The following MFGE8 variants were observed in gnomAD, a reference collection of about 807,000 sequenced individuals.
MFGE8 encodes the protein lactadherin.
A neutral mutation model predicts 42.6 loss-of-function variants in MFGE8; 34 were observed. That is an observed-to-expected ratio of 0.80 (90% CI 0.61 to 1.06). The LOEUF (loss-of-function observed/expected upper bound fraction) is 1.06, where lower values mean the gene tolerates loss of function less well. MFGE8 is among the 50% of genes least tolerant of loss of function. The probability of loss-of-function intolerance (pLI) is 0.00; values close to 1 mark genes in which losing one functional copy is unlikely to be tolerated. For missense variants in MFGE8, 510 were observed against 516.9 expected (o/e 0.99, Z 0.13); for synonymous variants, 230 against 214.8 (o/e 1.07, Z -0.62).
intron 1 of MFGE8, chr15:88,911,057 T>G (rs1898933751): frequency 6.6e-6 from 1 of 152,242 alleles, no homozygotes; most frequent in South Asian, 2.1e-4. Context: ...GAGCATCTGG[T>G]AGCTGCAGAC....
At position 88,906,719 on chromosome 15, in the gene MFGE8, C is replaced by A; in HGVS notation, c.447G>T (p.Leu149Phe). The A allele has an allele frequency of 6.2e-7, 1 of 1,613,828 alleles. No individual in the cohort carries two copies. The highest frequency in any genetic ancestry group is 8.5e-7 in the Non-Finnish European group (1 of 1,179,942). ...AGGCCTTCAGGTACTCATGACTGGC[C>A]AAGCGGCTGGCACCCTGCGTCACCA... is the stretch of plus-strand genomic sequence containing the variant. ...TGVVTQGASR[L>F]ASHEYLKAFK... Residue 149 changes from leucine (L) to phenylalanine (F), a missense_variant, in exon 4 of 8, where the codon TTG becomes TTT. Coordinates refer to ENST00000268150, the MANE Select transcript of MFGE8 (RefSeq NM_005928.4). This position sits in a 1 kb window ranked among gnomAD's most constrained non-coding sequence, Gnocchi z 4.2.
In MFGE8 at chr15:88,899,201, C is replaced by T. The variant is rs2280215; in HGVS notation, c.*194G>A. ...GAGGACTGGGGGTTAGGGGACGGGG[C>T]TTAGGGGCTGGGGCAGGGCCCGTGA... On this transcript the variant is annotated 3_prime_UTR_variant, in exon 8 of 8. Transcript: ENST00000268150. The surrounding 1 kb of genome is among the most constrained non-coding windows in gnomAD (Gnocchi z 6.8). The T allele has an allele frequency of 4.3e-6, 3 of 705,194 alleles. No individual in the cohort carries two copies. In the African/African-American group the frequency reaches 5.6e-5, roughly 13 times the overall value. The allele number at this position is 705,194 out of a possible 1,614,324, so 43.7% of individuals were successfully genotyped here.
chr15:88,900,056 C>A (rs1372366662), intron 6 of MFGE8, among the ~76,000 whole-genome samples: 3 of 152,106 alleles, frequency 2.0e-5, no homozygotes, highest in African/African-American at 7.2e-5. Context: ...GCCTGACCAA[C>A]ATGGTGAAAC....
intron 1 of MFGE8, chr15:88,912,602 G>A: frequency 1.0e-6 from 1 of 985,364 alleles, no homozygotes; most frequent in Non-Finnish European, 1.2e-6. Flanking sequence ...GGAGGACCGG[G>A]GAAGATACAG....
chr15:88,913,001 C>G, intron 1 of MFGE8: 1 of 985,474 alleles, frequency 1.0e-6, no homozygotes, highest in Non-Finnish European at 1.2e-6. Context: ...AGCCGCATCC[C>G]TGGGGGCGGC....
intron 2 of MFGE8, among the ~76,000 whole-genome samples, chr15:88,908,122 G>C (rs1200554251): frequency 3.9e-5 from 6 of 152,108 alleles, no homozygotes; most frequent in Admixed American, 2.6e-4. Context: ...CACTCCAGCA[G>C]TGTGGTCCCA....
At position 88,906,061 on chromosome 15, in the gene MFGE8, C is replaced by T; in HGVS notation, c.541-160G>A. On this transcript the variant is annotated intron_variant, in intron 4 of 7. Transcript: ENST00000268150. The surrounding 1 kb of genome is among the most constrained non-coding windows in gnomAD (Gnocchi z 4.2). ...GCAGAGGCTCACACAGCAGCCTCTC[C>T]TTTGGCCACCCCACGGCCCTCCACA... 1.3e-6 allele frequency: 1 copy of T among 783,916 alleles called. No individual in the cohort carries two copies. The highest frequency in any genetic ancestry group is 2.1e-6 in the Non-Finnish European group (1 of 469,624). 48.6% of individuals were successfully genotyped at this position (783,916 alleles called of 1,614,324 possible). A position where few individuals can be genotyped will look rare whatever the true frequency, so the allele number is the denominator to read the frequency against.
rs914972184 is a variant in MFGE8 at position 88,899,938 on chromosome 15, G to T, written c.871-127C>A. The T allele has an allele frequency of 1.1e-5, 13 of 1,135,300 alleles. No homozygotes were observed. The African/African-American group carries it at 2.0e-4, about 17-fold the overall frequency. 70.3% of individuals were successfully genotyped at this position (1,135,300 alleles called of 1,614,324 possible). On this transcript the variant is annotated intron_variant, in intron 6 of 7. Transcript: ENST00000268150. The surrounding 1 kb of genome is among the most constrained non-coding windows in gnomAD (Gnocchi z 6.8). ...ACTTGGGTGAGCCTCAGTTTCTTTG[G>T]CTATAAAATGGGCATAAGGCCGGAC...
At chr15:88,904,536 T>A (rs1315676148) in intron 5 of MFGE8, 1 of 152,230 alleles carries the variant, frequency 6.6e-6, no homozygotes, top group Non-Finnish European at 1.5e-5. Flanking sequence ...GCAACTTTAA[T>A]GGCCAAAGGC....
intron 1 of MFGE8, 55 bp from the exon 2 acceptor site, chr15:88,909,978 A>C: frequency 6.2e-7 from 1 of 1,609,906 alleles, no homozygotes; most frequent in Non-Finnish European, 8.5e-7. Flanking sequence ...CTGGGGACAC[A>C]GGTGAGAAGT....
Position 88,899,586 on chromosome 15 carries a change from A to G in MFGE8, c.1027-54T>C, listed in dbSNP as rs1898265397. ...CCCGAGCCAGCCCCCCTCCCCTCAGAGCCCCAGGCCAGACTCCCAGGGAAG... is the reference window on the plus strand; with the variant it reads ...CCCGAGCCAGCCCCCCTCCCCTCAGGGCCCCAGGCCAGACTCCCAGGGAAG... On this transcript the variant is annotated intron_variant, in intron 7 of 7. Coordinates refer to ENST00000268150, the MANE Select transcript of MFGE8 (RefSeq NM_005928.4). This position sits in a 1 kb window ranked among gnomAD's most constrained non-coding sequence, Gnocchi z 6.8. 6.2e-7 allele frequency: 1 copy of G among 1,614,098 alleles called. No individual in the cohort carries two copies. Among genetic ancestry groups the G allele is most frequent in the South Asian group, 1.1e-5 (1 of 91,064 alleles).
At chr15:88,904,764 AG>A (rs991534251) in intron 5 of MFGE8, 1 of 152,266 alleles carries the variant, frequency 6.6e-6, no homozygotes, top group African/African-American at 2.4e-5. Flanking sequence ...CTCAGCTCTG[AG>A]GGGTATTTGG....
Position 88,902,116 on chromosome 15 carries a change from C to G in MFGE8, c.686-381G>C. On this transcript the variant is annotated intron_variant, in intron 5 of 7. Coordinates refer to ENST00000268150, the MANE Select transcript of MFGE8 (RefSeq NM_005928.4). The surrounding 1 kb of genome is among the most constrained non-coding windows in gnomAD (Gnocchi z 4.3). ...CACTTGGGCAGGATTTCTTCCTCTT[C>G]TGGACTCACAGCACTGCCCCCATCG... 1 of 324,350 alleles carries G rather than the reference C, an allele frequency of 3.1e-6. No homozygotes were observed. The highest frequency in any genetic ancestry group is 4.1e-5 in the Admixed American group (1 of 24,574). 20.1% of individuals were successfully genotyped at this position (324,350 alleles called of 1,614,324 possible).
rs1350700565 is a variant in MFGE8, at chr15:88,906,744, A to G, written c.422T>C (p.Val141Ala). 1 of 1,613,392 alleles carries G rather than the reference A, an allele frequency of 6.2e-7. No homozygotes were observed. Among genetic ancestry groups the G allele is most frequent in the South Asian group, 1.1e-5 (1 of 91,044 alleles). The change falls in exon 4 of 8, where the codon GTG becomes GCG. Residue 141 changes from valine (V) to alanine (A), a missense_variant. Coordinates refer to ENST00000268150, the MANE Select transcript of MFGE8 (RefSeq NM_005928.4). The surrounding 1 kb of genome is among the most constrained non-coding windows in gnomAD (Gnocchi z 4.2). ...CAAGCGGCTGGCACCCTGCGTCACC[A>G]CACCTGTTACCCACATCCTCCGCAG... Reference protein sequence around the residue: ...NLLRRMWVTGVVTQGASRLAS... With the variant: ...NLLRRMWVTGAVTQGASRLAS...
Position 88,905,718 on chromosome 15 carries a change from G to A in MFGE8, c.685+39C>T, listed in dbSNP as rs1413495865. On this transcript the variant is annotated intron_variant, in intron 5 of 7. Coordinates refer to ENST00000268150, the MANE Select transcript of MFGE8 (RefSeq NM_005928.4). The surrounding 1 kb of genome is among the most constrained non-coding windows in gnomAD (Gnocchi z 6.6). ...GCAGGGAGGGCCACCTCCTAGGATT[G>A]GCCAACAGTGCCCCCCTACCCGCAC... The A allele has an allele frequency of 3.7e-6, 6 of 1,613,192 alleles. No individual in the cohort carries two copies. Among genetic ancestry groups the A allele is most frequent in the South Asian group, 1.1e-5 (1 of 91,032 alleles).
rs930213810 is a variant in MFGE8, at chr15:88,901,800, G to A, written c.686-65C>T. The A allele has an allele frequency of 4.4e-5, 67 of 1,510,384 alleles. 1 individual carries two copies. Among genetic ancestry groups the A allele is most frequent in the Admixed American group, 3.4e-5 (2 of 58,376 alleles). The allele number at this position is 1,510,384 out of a possible 1,614,324, so 93.6% of individuals were successfully genotyped here. A position where few individuals can be genotyped will look rare whatever the true frequency, so the allele number is the denominator to read the frequency against. On this transcript the variant is annotated intron_variant, in intron 5 of 7. Transcript: ENST00000268150. ...CAGCTCCCAGGGGCAGGAGCACAAG[G>A]CGATGAAGCAGAAAGAACTCTGTGG...
Position 88,899,131 on chromosome 15 carries a change from C to T in MFGE8, c.*264G>A. On this transcript the variant is annotated 3_prime_UTR_variant, in exon 8 of 8. Transcript: ENST00000268150. This position sits in a 1 kb window ranked among gnomAD's most constrained non-coding sequence, Gnocchi z 6.8. ...CCCTACTTTGCCCTTTCCTGTCCAT[C>T]CCAGACCTACTCAGATCCCTCAGTG... 1.8e-6 allele frequency: 1 copy of T among 559,524 alleles called. No homozygotes were observed. The highest frequency in any genetic ancestry group is 2.0e-5 in the South Asian group (1 of 49,902). 34.7% of individuals were successfully genotyped at this position (559,524 alleles called of 1,614,324 possible).
rs953383840 is a variant in MFGE8 at position 88,909,798 on chromosome 15, C to T, written c.199G>A (p.Glu67Lys). Residue 67 changes from glutamate to lysine, a missense_variant, in exon 2 of 8, where the codon GAG becomes AAG. Transcript: ENST00000268150. ...CLKGYAGNHC[E>K]TKCVEPLGLE... ...AGCACCCCCACATACTCACTCGTCTCACAGTGGTTGCCCGCGTAGCCCTTA... is the reference window on the plus strand; with the variant it reads ...AGCACCCCCACATACTCACTCGTCTTACAGTGGTTGCCCGCGTAGCCCTTA... 6.2e-7 allele frequency: 1 copy of T among 1,614,044 alleles called. No homozygotes were observed. Among genetic ancestry groups the T allele is most frequent in the Non-Finnish European group, 8.5e-7 (1 of 1,179,994 alleles).
chr15:88,906,615 A>G lies in MFGE8; in HGVS notation c.540+11T>C. 21 of 1,613,824 alleles carry G rather than the reference A, an allele frequency of 1.3e-5. No individual in the cohort carries two copies. Among genetic ancestry groups the G allele is most frequent in the Non-Finnish European group, 1.8e-5 (21 of 1,179,880 alleles). ...ACCACAGCCCTTCTTTCGGGCCCCA[A>G]CAAGACCTACCTTGTGTTTTTTATT... is the stretch of plus-strand genomic sequence containing the variant. On this transcript the variant is annotated intron_variant, in intron 4 of 7. Coordinates refer to ENST00000268150, the MANE Select transcript of MFGE8 (RefSeq NM_005928.4). This position sits in a 1 kb window ranked among gnomAD's most constrained non-coding sequence, Gnocchi z 4.2.
Sources: allele counts gnomAD v4.1 joint callset (sites outside exome capture counted in the v4.1 genomes callset), GRCh38; gene constraint gnomAD v4.1.1; non-coding constraint Gnocchi (gnomAD v3.1); transcripts MANE v1.5; gene names NCBI Gene and HGNC (gene_info 2026-07-23, HGNC 2026-07-21).